Variants in AFG1L observed in about 807,000 individuals in gnomAD.
AFG1L encodes the protein AFG1 like ATPase, also known as AFG1-like ATPase.
A neutral mutation model predicts 62.2 loss-of-function variants in AFG1L; 53 were observed. The observed-to-expected ratio is 0.85, with a 90% CI of 0.68 to 1.07. The LOEUF is 1.07. AFG1L is among the 50% of genes least tolerant of loss of function. The pLI is 0.00. For synonymous variants in AFG1L, 228 were observed against 210.3 expected, an observed-to-expected ratio of 1.08 and a Z score of -0.73; for missense variants, 555 against 590.5, an observed-to-expected ratio of 0.94 and a Z score of 0.62.
intron 10 of AFG1L, among the ~76,000 whole-genome samples, chr6:108,486,985 A>G (rs1478636524): frequency 2.6e-5 from 4 of 152,210 alleles, no homozygotes; most frequent in Non-Finnish European, 5.9e-5. Flanking sequence ...GATTGTGGGC[A>G]TGAGCCACCA....
At chr6:108,405,748 A>G (rs1181285780) in intron 7 of AFG1L, among the ~76,000 whole-genome samples, 2 of 152,212 alleles carry the variant, frequency 1.3e-5, no homozygotes, top group Admixed American at 6.5e-5. Context: ...TCATCTTATC[A>G]AAATGAAACT....
chr6:108,455,586 C>T (rs545825033), intron 8 of AFG1L, among the ~76,000 whole-genome samples: 9 of 152,132 alleles, frequency 5.9e-5, no homozygotes, highest in African/African-American at 2.2e-4. Context: ...AAGATTAAGT[C>T]CTTGATTTTA....
intron 7 of AFG1L, among the ~76,000 whole-genome samples, chr6:108,443,659 G>A (rs1377810889): frequency 6.6e-6 from 1 of 152,140 alleles, no homozygotes; most frequent in African/African-American, 2.4e-5. Context: ...CAGATCACTT[G>A]AGGCCAGGAG....
At chr6:108,498,431 A>G (rs1034480661) in intron 10 of AFG1L, among the ~76,000 whole-genome samples, 1 of 152,224 alleles carries the variant, frequency 6.6e-6, no homozygotes, top group African/African-American at 2.4e-5. Context: ...CCAAGTAAAC[A>G]TCTTTAAATA....
At chr6:108,350,619 G>C (rs1010973164) in intron 3 of AFG1L, among the ~76,000 whole-genome samples, 5 of 152,202 alleles carry the variant, frequency 3.3e-5, no homozygotes, top group Non-Finnish European at 5.9e-5. Flanking sequence ...GCCAAAAGCT[G>C]TGGTAGTAGT....
At chr6:108,432,668 G>A (rs1771127918) in intron 7 of AFG1L, among the ~76,000 whole-genome samples, 1 of 152,174 alleles carries the variant, frequency 6.6e-6, no homozygotes, top group Admixed American at 6.5e-5. Context: ...TAGTAGCCAT[G>A]TGGTTTGGAT....
chr6:108,463,058 A>G (rs1295534629), intron 8 of AFG1L, among the ~76,000 whole-genome samples: 1 of 151,772 alleles, frequency 6.6e-6, no homozygotes, highest in Non-Finnish European at 1.5e-5. Flanking sequence ...GGAGGCTGAG[A>G]CTGGGTGGAT....
At chr6:108,346,521 A>G (rs1690200042) in intron 2 of AFG1L, among the ~76,000 whole-genome samples, 1 of 152,122 alleles carries the variant, frequency 6.6e-6, no homozygotes, top group South Asian at 2.1e-4. Context: ...GCATGCCACC[A>G]TGCCTGGCTA....
chr6:108,510,275 A>G lies in AFG1L; in HGVS notation c.1126A>G (p.Ile376Val), dbSNP rs896183466. The change falls in exon 11 of 13, where the codon ATT becomes GTT. Residue 376 changes from isoleucine to valine, a missense_variant. Coordinates refer to ENST00000368977, the MANE Select transcript of AFG1L (RefSeq NM_145315.5). ...KNFDTIFLRN[I>V]PQFTLANRTQ... ...TTTTGATACAATATTTTTACGAAAC[A>G]TTCCGCAATTTACTCTGGCAAACAG... The G allele has an allele frequency of 1.9e-6, 3 of 1,612,354 alleles. No homozygotes were observed. In the African/African-American group the frequency reaches 4.0e-5, roughly 22 times the overall value.
chr6:108,324,853 C>G (rs1173978499), intron 2 of AFG1L, among the ~76,000 whole-genome samples: 2 of 152,104 alleles, frequency 1.3e-5, no homozygotes, highest in Admixed American at 1.3e-4. Flanking sequence ...CCACCACACT[C>G]AGCTAATTTT....
chr6:108,384,852 G>A (rs960084058), intron 6 of AFG1L, among the ~76,000 whole-genome samples: 4 of 151,976 alleles, frequency 2.6e-5, no homozygotes, highest in Non-Finnish European at 5.9e-5. Context: ...ACAGAGGAAA[G>A]GTTCAAATAA....
rs758615347 is a variant in AFG1L, at chr6:108,447,243, T to C, written c.837T>C (p.Ser279=). ...KEYCNTVQLD[S]GIDYRKRELP... ...ATTGTAATACAGTCCAGCTAGATTC[T>C]GGGATAGATTACCGGAAAAGGGAAC... is the stretch of plus-strand genomic sequence containing the variant. The change falls in exon 8 of 13, where the codon TCT becomes TCC. Residue 279 remains serine (S), a synonymous_variant. Transcript: ENST00000368977. 1.9e-6 allele frequency: 3 copies of C among 1,607,378 alleles called. No individual in the cohort carries two copies. The highest frequency in any genetic ancestry group is 2.6e-6 in the Non-Finnish European group (3 of 1,174,198).
chr6:108,472,634 G>C (rs1388458531), intron 8 of AFG1L, among the ~76,000 whole-genome samples: 2 of 148,952 alleles, frequency 1.3e-5, no homozygotes, highest in African/African-American at 4.9e-5. Context: ...GTTATTACTT[G>C]TTAAAAACAG....
chr6:108,375,320 T>A (rs555524181), intron 6 of AFG1L, among the ~76,000 whole-genome samples: 1 of 152,318 alleles, frequency 6.6e-6, no homozygotes, highest in South Asian at 2.1e-4. Flanking sequence ...TTCCTTTTAT[T>A]TCTTCCTCTT....
intron 1 of AFG1L, among the ~76,000 whole-genome samples, chr6:108,306,672 A>C (rs953569976): frequency 6.6e-6 from 1 of 152,142 alleles, no homozygotes; most frequent in African/African-American, 2.4e-5. Flanking sequence ...GCTGGGATGT[A>C]TGCTAAATGT....
chr6:108,458,803 CT>C, intron 8 of AFG1L, among the ~76,000 whole-genome samples: 2 of 150,890 alleles, frequency 1.3e-5, no homozygotes, highest in East Asian at 3.9e-4. Context: ...GCCTTTCATG[CT>C]TTTTTTTTAT....
intron 8 of AFG1L, among the ~76,000 whole-genome samples, chr6:108,472,274 C>T (rs1343339023): frequency 6.6e-6 from 1 of 152,034 alleles, no homozygotes; most frequent in Non-Finnish European, 1.5e-5. Flanking sequence ...GTTGCAATTA[C>T]AAAGGATGAC....
At chr6:108,323,389 A>C (rs1231348084) in intron 1 of AFG1L, among the ~76,000 whole-genome samples, 1 of 151,808 alleles carries the variant, frequency 6.6e-6, no homozygotes, top group East Asian at 1.9e-4. Flanking sequence ...TTTGAGACCG[A>C]GTGTCACTCT....
At chr6:108,511,287 C>G (rs557321821) in intron 11 of AFG1L, among the ~76,000 whole-genome samples, 74 of 152,210 alleles carry the variant, frequency 4.9e-4, no homozygotes, top group African/African-American at 1.6e-3. Flanking sequence ...GACCCAGAAA[C>G]CCCAGTAGCT....
Sources: allele counts gnomAD v4.1 joint callset (sites outside exome capture counted in the v4.1 genomes callset), GRCh38; gene constraint gnomAD v4.1.1; transcripts MANE v1.5; gene names NCBI Gene and HGNC (gene_info 2026-07-23, HGNC 2026-07-21).